NFYC: variants seen among roughly 807,000 people sequenced by gnomAD.
The protein encoded by NFYC is nuclear transcription factor Y subunit gamma.
Under a neutral mutation model 53.1 loss-of-function variants are expected in NFYC, and 25 were observed. The ratio of observed to expected loss-of-function variants is 0.47; its 90% CI spans 0.34 to 0.66. The LOEUF is 0.66. Among genes scored for constraint, NFYC ranks in the 30% least tolerant of loss-of-function variants. The pLI is 0.01. For missense variants in NFYC, 260 were observed against 422.7 expected, an observed-to-expected ratio of 0.62 and a Z score of 3.38; for synonymous variants, 145 against 152.6, an observed-to-expected ratio of 0.95 and a Z score of 0.37.
intron 1 of NFYC, among the ~76,000 whole-genome samples, chr1:40,702,467 C>G (rs1643485850): frequency 6.6e-6 from 1 of 151,472 alleles, no homozygotes; most frequent in Non-Finnish European, 1.5e-5. Context: ...CTCAGCCTCC[C>G]GAGTAGCTGG....
intron 7 of NFYC, among the ~76,000 whole-genome samples, chr1:40,764,979 G>A (rs954654): frequency 0.21 from 32,618 of 152,038 alleles, 4,128 homozygotes; most frequent in South Asian, 0.42. Context: ...TAACATCCCT[G>A]TAGCTGTCAG....
rs1398236890 is a variant in NFYC, at chr1:40,771,332, C to T, written c.*504C>T. 1 of 412,470 alleles carries T rather than the reference C, an allele frequency of 2.4e-6. No homozygotes were observed. The highest frequency in any genetic ancestry group is 3.1e-5 in the Admixed American group (1 of 32,370). 25.6% of individuals were successfully genotyped at this position (412,470 alleles called of 1,614,324 possible). A position where few individuals can be genotyped will look rare whatever the true frequency, so the allele number is the denominator to read the frequency against. On this transcript the variant is annotated 3_prime_UTR_variant, in exon 10 of 10. Coordinates refer to ENST00000447388, the MANE Select transcript of NFYC (RefSeq NM_014223.5). The stretch of plus-strand genomic sequence containing the variant: ...TGTAGCTGCTTTTTCACTCGTGGTC[C>T]TCTCCCCATCCCTTGCTCTGACCCC...
rs199546620 is a variant in NFYC at position 40,748,722 on chromosome 1, AAT to A, written c.178-849_178-848del. 9.7e-3 allele frequency among the ~76,000 whole-genome samples: 1,477 copies of A among 152,278 alleles called. 10 individuals are homozygous for A. The highest frequency in any genetic ancestry group is 0.013 in the Non-Finnish European group (915 of 68,018). On this transcript the variant is annotated intron_variant, in intron 3 of 9. Coordinates refer to ENST00000447388, the MANE Select transcript of NFYC (RefSeq NM_014223.5). ...CTCTGTCTCTTTACCACTCAAAATT[AAT>A]AGTCTTTTGTATTTTCACAGAAAGC...
At chr1:40,747,410 C>A in intron 2 of NFYC, 124 bp from the exon 3 acceptor site, 1 of 629,342 alleles carries the variant, frequency 1.6e-6, no homozygotes, top group South Asian at 2.1e-5. Flanking sequence ...TCATCTGTAC[C>A]TTCTCTCCCG....
Position 40,738,838 on chromosome 1 carries a change from G to A in NFYC, c.-6G>A, listed in dbSNP as rs769861942. On this transcript the variant is annotated splice_region_variant and 5_prime_UTR_variant, in exon 2 of 10. Coordinates refer to ENST00000447388, the MANE Select transcript of NFYC (RefSeq NM_014223.5). ...CTTATGTATGTGTTTATTTTCAGTTGTCGAGATGTCCACAGAAGGAGGATT... is the reference window on the plus strand; with the variant it reads ...CTTATGTATGTGTTTATTTTCAGTTATCGAGATGTCCACAGAAGGAGGATT... The A allele has an allele frequency of 1.2e-6, 2 of 1,612,012 alleles. No homozygotes were observed.
Position 40,766,649 on chromosome 1 carries a change from A to G in NFYC, c.774A>G (p.Ser258=). Residue 258 remains serine (S), a synonymous_variant, in exon 8 of 10, where the codon TCA becomes TCG. Coordinates refer to ENST00000447388, the MANE Select transcript of NFYC (RefSeq NM_014223.5). ...ATATCCGCTTAGCCCAGCCTGTATC[A>G]GGCACTCAAGTTGTGCAGGGACAGA... ...LQYIRLAQPV[S]GTQVVQGQIQ... 6.2e-7 allele frequency: 1 copy of G among 1,614,090 alleles called. No individual in the cohort carries two copies. The highest frequency in any genetic ancestry group is 8.5e-7 in the Non-Finnish European group (1 of 1,180,010).
At chr1:40,722,152 CAG>C (rs1307719951) in intron 1 of NFYC, among the ~76,000 whole-genome samples, 1 of 151,888 alleles carries the variant, frequency 6.6e-6, no homozygotes, top group African/African-American at 2.4e-5. Flanking sequence ...GCCTGGGTGA[CAG>C]AGTGAGATTC....
chr1:40,698,894 G>A (rs1459483562), intron 1 of NFYC, among the ~76,000 whole-genome samples: 2 of 152,100 alleles, frequency 1.3e-5, no homozygotes, highest in South Asian at 2.1e-4. Flanking sequence ...GCCGGGCGCC[G>A]TGGCTCACAC....
chr1:40,725,655 C>T (rs963493653), intron 1 of NFYC, among the ~76,000 whole-genome samples: 1 of 152,110 alleles, frequency 6.6e-6, no homozygotes, highest in African/African-American at 2.4e-5. Context: ...AATATTCTTC[C>T]TTTCTCTGTA....
chr1:40,693,593 C>A lies in NFYC; in HGVS notation c.-9+1726C>A, dbSNP rs925332856. On this transcript the variant is annotated intron_variant, in intron 1 of 9. Transcript: ENST00000447388. ...TGCTATTTTGGGGCATATTTTAACTCCAATAGGTAGGCATTATCGTCCCCA... is the reference window on the plus strand; with the variant it reads ...TGCTATTTTGGGGCATATTTTAACTACAATAGGTAGGCATTATCGTCCCCA... 2.3e-4 allele frequency among the ~76,000 whole-genome samples: 35 copies of A among 152,110 alleles called. 1 individual carries two copies. Among genetic ancestry groups the A allele is most frequent in the Non-Finnish European group, 1.0e-4 (7 of 68,024 alleles).
intron 5 of NFYC, among the ~76,000 whole-genome samples, 181 bp downstream of exon 5, chr1:40,753,427 C>T (rs527344629): frequency 4.6e-5 from 7 of 152,276 alleles, no homozygotes; most frequent in African/African-American, 1.4e-4. Context: ...TAACTCAGTG[C>T]CTCCGAAGTG....
At chr1:40,729,717 C>G (rs1015625721) in intron 1 of NFYC, among the ~76,000 whole-genome samples, 10 of 151,732 alleles carry the variant, frequency 6.6e-5, no homozygotes, top group Non-Finnish European at 1.3e-4. Context: ...GCACTGTCGC[C>G]CAGGCTGGAG....
chr1:40,698,978 C>T (rs969866177), intron 1 of NFYC, among the ~76,000 whole-genome samples: 1 of 152,000 alleles, frequency 6.6e-6, no homozygotes, highest in Non-Finnish European at 1.5e-5. Flanking sequence ...GCCTGGCCAA[C>T]ATGGTGAAAT....
intron 4 of NFYC, among the ~76,000 whole-genome samples, chr1:40,751,939 A>C (rs1021741493): frequency 1.3e-5 from 2 of 152,144 alleles, no homozygotes; most frequent in Non-Finnish European, 2.9e-5. Flanking sequence ...CGTGGTTGGC[A>C]AGAAGGGCGG....
chr1:40,766,063 G>A (rs1646797394), intron 7 of NFYC: 1 of 152,964 alleles, frequency 6.5e-6, no homozygotes, highest in South Asian at 2.1e-4. Context: ...CATCCAGCCT[G>A]GCTCTTGGGG....
At chr1:40,708,236 C>T (rs1398597138) in intron 1 of NFYC, among the ~76,000 whole-genome samples, 1 of 152,196 alleles carries the variant, frequency 6.6e-6, no homozygotes, top group Non-Finnish European at 1.5e-5. Flanking sequence ...ATTGCTTGAG[C>T]CCAGGAGTTT....
chr1:40,711,739 A>G (rs1441756195), intron 1 of NFYC, among the ~76,000 whole-genome samples: 1 of 152,238 alleles, frequency 6.6e-6, no homozygotes, highest in Non-Finnish European at 1.5e-5. Context: ...GCTTCCAGAA[A>G]GAGCAAAGAC....
At chr1:40,755,758 C>A (rs1248432050) in intron 5 of NFYC, among the ~76,000 whole-genome samples, 1 of 152,178 alleles carries the variant, frequency 6.6e-6, no homozygotes, top group Non-Finnish European at 1.5e-5. Context: ...ACTTGATTCT[C>A]AGTGTCCTAG....
At chr1:40,712,368 G>A (rs1032035220) in intron 1 of NFYC, 11 of 152,092 alleles carry the variant, frequency 7.2e-5, no homozygotes, top group Non-Finnish European at 1.6e-4. Context: ...GATGAAATGG[G>A]TATGCTGATT....
Sources: allele counts gnomAD v4.1 joint callset (sites outside exome capture counted in the v4.1 genomes callset), GRCh38; gene constraint gnomAD v4.1.1; transcripts MANE v1.5; gene names NCBI Gene and HGNC (gene_info 2026-07-23, HGNC 2026-07-21).